CCNG1: variants seen among roughly 807,000 people sequenced by gnomAD.
The protein encoded by CCNG1 is cyclin-G1.
Under a neutral mutation model 30.0 loss-of-function variants are expected in CCNG1, and 13 were observed. The ratio of observed to expected loss-of-function variants is 0.43; its 90% CI spans 0.28 to 0.69. CCNG1 has a LOEUF of 0.69. CCNG1 is among the 30% of genes least tolerant of loss of function. The probability of loss-of-function intolerance (pLI) is 0.16; values close to 1 mark genes in which losing one functional copy is unlikely to be tolerated. For synonymous variants in CCNG1, 110 were observed against 121.5 expected, an observed-to-expected ratio of 0.91 and a Z score of 0.62; for missense variants, 285 against 331.4, an observed-to-expected ratio of 0.86 and a Z score of 1.09.
the CCNG1 span, chr5:163,456,853 AG>A: frequency 9.7e-7 from 1 of 1,029,610 alleles, no homozygotes; most frequent in Non-Finnish European, 1.3e-6. Flanking sequence ...ATGACATTTG[AG>A]TTTTAATTTC....
In CCNG1 at chr5:163,437,741, G is replaced by C. The variant is rs1757557909; in HGVS notation, c.-64G>C. On this transcript the variant is annotated 5_prime_UTR_variant, in exon 1 of 7. Coordinates refer to ENST00000340828, the MANE Select transcript of CCNG1 (RefSeq NM_004060.4). ...TCGTAGGCCTCTCGGATCTGATATC[G>C]TGGGGTGAGGTGAGCAGGCCCGGGG... 1 of 152,382 alleles carries C rather than the reference G, an allele frequency of 6.6e-6. No homozygotes were observed. The highest frequency in any genetic ancestry group is 1.5e-5 in the Non-Finnish European group (1 of 68,214). The allele number at this position is 152,382 out of a possible 1,614,324, so 9.4% of individuals were successfully genotyped here.
chr5:163,456,640 A>G, the CCNG1 span, among the ~76,000 whole-genome samples: 1 of 152,306 alleles, frequency 6.6e-6, no homozygotes, highest in East Asian at 1.9e-4. Flanking sequence ...ACACTAGGTA[A>G]GTCTATATTG....
chr5:163,456,632 A>G, the CCNG1 span, among the ~76,000 whole-genome samples: 1 of 152,176 alleles, frequency 6.6e-6, no homozygotes. Flanking sequence ...CACTTTTTAC[A>G]CTAGGTAAGT....
chr5:163,457,574 T>C, the CCNG1 span: 1 of 1,575,010 alleles, frequency 6.3e-7, no homozygotes, highest in Non-Finnish European at 8.7e-7. Context: ...AAAGTCCATG[T>C]TCCCTCATCA....
downstream of CCNG1, among the ~76,000 whole-genome samples, chr5:163,445,453 CT>C (rs1378311801): frequency 3.3e-5 from 5 of 151,972 alleles, no homozygotes; most frequent in Admixed American, 6.6e-5. Flanking sequence ...TTAGCTGACA[CT>C]TTACTTTTTG....
downstream of CCNG1, chr5:163,449,172 C>T (rs1489427952): frequency 6.6e-6 from 1 of 151,954 alleles, no homozygotes; most frequent in Non-Finnish European, 1.5e-5. Context: ...GAGTTAACAA[C>T]AAAATCAGGC....
the CCNG1 span, chr5:163,451,341 A>G: frequency 1.3e-5 from 2 of 152,320 alleles, no homozygotes; most frequent in African/African-American, 4.8e-5. Flanking sequence ...AGACAAAAAT[A>G]TGGAGATGGG....
At chr5:163,449,321 ACAAAAAT>A (rs1758118926), downstream of CCNG1, 1 of 152,252 alleles carries the variant, frequency 6.6e-6, no homozygotes, top group South Asian at 2.1e-4. Context: ...AGGTCAACAA[ACAAAAAT>A]CAAACACATT....
At chr5:163,456,852 G>T in the CCNG1 span, 1 of 1,024,402 alleles carries the variant, frequency 9.8e-7, no homozygotes, top group South Asian at 2.9e-5. Context: ...AATGACATTT[G>T]AGTTTTAATT....
At position 163,442,461 on chromosome 5, in the gene CCNG1, G is replaced by A. The variant is rs904926638; in HGVS notation, c.784G>A (p.Val262Ile). 1 of 1,614,000 alleles carries A rather than the reference G, an allele frequency of 6.2e-7. No homozygotes were observed. Among genetic ancestry groups the A allele is most frequent in the Admixed American group, 1.7e-5 (1 of 60,022 alleles). ...ATCAAATAAGTGTTCCAAACCAAAT[G>A]TTCAGAAGTTGAAATGGATTGTTTC... is the stretch of plus-strand genomic sequence containing the variant. ...YSSNKCSKPN[V>I]QKLKWIVSGR... Residue 262 changes from valine (V) to isoleucine (I), a missense_variant, in exon 6 of 7, where the codon GTT (valine) becomes ATT (isoleucine). Val to Ile is a conservative substitution (Grantham distance 29). Transcript: ENST00000340828.
chr5:163,454,344 A>G, the CCNG1 span, among the ~76,000 whole-genome samples: 1 of 151,984 alleles, frequency 6.6e-6, no homozygotes, highest in Non-Finnish European at 1.5e-5. Flanking sequence ...TATTTTATTT[A>G]TTATTATTTT....
the CCNG1 span, among the ~76,000 whole-genome samples, chr5:163,456,172 T>C: frequency 1.3e-5 from 2 of 152,108 alleles, no homozygotes; most frequent in African/African-American, 4.8e-5. Context: ...AGAAAAAAAG[T>C]CTAGGCTAGA....
chr5:163,456,867 ATATT>A, the CCNG1 span: 49 of 1,131,316 alleles, frequency 4.3e-5, no homozygotes, highest in Non-Finnish European at 5.7e-5. Context: ...TTAATTTCAA[ATATT>A]TATTTGATGA....
In CCNG1 at chr5:163,441,984, T is replaced by C; in HGVS notation, c.597+20T>C. The C allele has an allele frequency of 6.3e-7, 1 of 1,583,562 alleles. No homozygotes were observed. Among genetic ancestry groups the C allele is most frequent in the Non-Finnish European group, 8.7e-7 (1 of 1,152,796 alleles). ...GCAAAGGTAAATATTTTATAAAGAT[T>C]ATGCCTATTGATATGATCTGTTTTT... On this transcript the variant is annotated intron_variant, in intron 4 of 6. Transcript: ENST00000340828.
At chr5:163,443,590 A>G (rs997987658) in intron 6 of CCNG1, 84 bp from the exon 7 acceptor site, 1 of 712,396 alleles carries the variant, frequency 1.4e-6, no homozygotes, top group Non-Finnish European at 2.4e-6. Context: ...AATATTAGAT[A>G]TGAACATTTC....
At chr5:163,455,684 A>T in the CCNG1 span, among the ~76,000 whole-genome samples, 2 of 151,064 alleles carry the variant, frequency 1.3e-5, no homozygotes, top group Non-Finnish European at 3.0e-5. Context: ...GACTGGCGGG[A>T]ATCCGGGAGG....
rs149731473 is a variant in CCNG1 at position 163,439,417 on chromosome 5, T to G, written c.161T>G (p.Phe54Cys). Reference sequence around the variant, plus strand: ...AGAATGACTGCAAGACTAAGGGACTTTGAAGTAAAAGATCTTCTTAGTCTA... The same window carrying G: ...AGAATGACTGCAAGACTAAGGGACTGTGAAGTAAAAGATCTTCTTAGTCTA... Reference protein sequence around the residue: ...GLRMTARLRDFEVKDLLSLTQ... With the variant: ...GLRMTARLRDCEVKDLLSLTQ... The change falls in exon 2 of 7, where the codon TTT (phenylalanine) becomes TGT (cysteine). Residue 54 changes from phenylalanine (F) to cysteine (C), a missense_variant. Phe to Cys is a radical substitution (Grantham distance 205). Transcript: ENST00000340828. 2 of 1,614,072 alleles carry G rather than the reference T, an allele frequency of 1.2e-6. No homozygotes were observed. Among genetic ancestry groups the G allele is most frequent in the Non-Finnish European group, 1.7e-6 (2 of 1,179,916 alleles).
chr5:163,441,905 G>T lies in CCNG1; in HGVS notation c.538G>T (p.Glu180Ter). 1 of 1,603,516 alleles carries T rather than the reference G, an allele frequency of 6.2e-7. No homozygotes were observed. Among genetic ancestry groups the T allele is most frequent in the South Asian group, 1.1e-5 (1 of 90,532 alleles). The change falls in exon 4 of 7, where the codon GAA becomes TAA. Residue 180 changes from glutamate (E) to a stop codon, truncating the protein, a stop_gained. Coordinates refer to ENST00000340828, the MANE Select transcript of CCNG1 (RefSeq NM_004060.4). LOFTEE classifies it high-confidence loss of function. ...PLERRNSINF[E>*]RLEAQLKACH... ...TTAAAGGAGAAATAGCATTAATTTT[G>T]AAAGACTAGAAGCTCAACTGAAGGC...
intron 3 of CCNG1, chr5:163,441,650 A>G: frequency 2.0e-6 from 1 of 489,590 alleles, no homozygotes; most frequent in South Asian, 3.6e-5. Flanking sequence ...TAAATCTTGT[A>G]TTTGTGGCAT....
Sources: allele counts gnomAD v4.1 joint callset (sites outside exome capture counted in the v4.1 genomes callset), GRCh38; gene constraint gnomAD v4.1.1; transcripts MANE v1.5; gene names NCBI Gene and HGNC (gene_info 2026-07-23, HGNC 2026-07-21).